Variants in CECR2 observed in about 807,000 individuals in gnomAD.
CECR2 encodes CECR2 histone acetyl-lysine reader.
Under a neutral mutation model 154.5 loss-of-function variants are expected in CECR2, and 30 were observed. The observed-to-expected ratio is 0.19, with a 90% confidence interval of 0.15 to 0.26. CECR2 has a LOEUF of 0.26. CECR2 is among the 10% of genes least tolerant of loss of function. CECR2 has a pLI of 1.00. For missense variants in CECR2, 1,743 were observed against 1,829.3 expected (o/e 0.95, Z 0.86); for synonymous variants, 725 against 683.7 (o/e 1.06, Z -0.94).
intron 1 of CECR2, among the ~76,000 whole-genome samples, chr22:17,448,848 C>T (rs1482488643): frequency 2.6e-5 from 4 of 151,930 alleles, no homozygotes; most frequent in Non-Finnish European, 5.9e-5. Flanking sequence ...CTTCTTTCTC[C>T]TTTTCAGATT....
chr22:17,478,491 G>A (rs1047307770), intron 2 of CECR2, among the ~76,000 whole-genome samples: 17 of 151,948 alleles, frequency 1.1e-4, no homozygotes, highest in African/African-American at 3.1e-4. Context: ...GAGTAGCTGG[G>A]ACTACAGGCA....
At chr22:17,541,565 C>T (rs562507890) in intron 14 of CECR2, among the ~76,000 whole-genome samples, 2 of 152,222 alleles carry the variant, frequency 1.3e-5, no homozygotes, top group East Asian at 1.9e-4. Context: ...TGGGGAGAAA[C>T]GGCTAAAATG....
intron 6 of CECR2, among the ~76,000 whole-genome samples, chr22:17,504,343 CCAGCCTGGA>C (rs2055795025): frequency 6.6e-6 from 1 of 151,922 alleles, no homozygotes; most frequent in Non-Finnish European, 1.5e-5. Context: ...CCACTGCACT[CCAGCCTGGA>C]CAATAGAGCC....
At chr22:17,454,094 G>A (rs148806031) in intron 1 of CECR2, among the ~76,000 whole-genome samples, 1,924 of 152,278 alleles carry the variant, frequency 0.013, 31 homozygotes, top group African/African-American at 0.044. Flanking sequence ...ACCAGTGCAT[G>A]TAAAGAGTTT....
intron 9 of CECR2, among the ~76,000 whole-genome samples, chr22:17,532,697 A>G (rs372144590): frequency 1.0e-4 from 3 of 29,366 alleles, no homozygotes; most frequent in Non-Finnish European, 2.1e-4. Flanking sequence ...ATTCATTATT[A>G]TTCTTTTTTT....
chr22:17,540,434 T>G lies in CECR2; in HGVS notation c.1518T>G (p.Asn506Lys). The G allele has an allele frequency of 6.4e-7, 1 of 1,558,362 alleles. No individual in the cohort carries two copies. Among genetic ancestry groups the G allele is most frequent in the Non-Finnish European group, 8.7e-7 (1 of 1,151,024 alleles). ...TAGAGTATACCAAGATGTCTGATAATTTAGAGAGGTGTTTCCATCGGGCAA... is the reference window on the plus strand; with the variant it reads ...TAGAGTATACCAAGATGTCTGATAAGTTAGAGAGGTGTTTCCATCGGGCAA... Reference protein sequence around the residue: ...ESSEYTKMSDNLERCFHRAMM... With the variant: ...ESSEYTKMSDKLERCFHRAMM... Residue 506 changes from asparagine (N) to lysine (K), a missense_variant, in exon 14 of 19, where the codon AAT (asparagine) becomes AAG (lysine). Physicochemically the swap from Asn to Lys is moderately conservative, Grantham distance 94. Transcript: ENST00000262608.
chr22:17,536,848 TG>T (rs1245672049), intron 9 of CECR2, among the ~76,000 whole-genome samples: 1 of 152,188 alleles, frequency 6.6e-6, no homozygotes, highest in Admixed American at 6.5e-5. Context: ...ACCCTGTGCC[TG>T]CCCTGCCACC....
intron 1 of CECR2, among the ~76,000 whole-genome samples, chr22:17,397,975 C>G (rs1453954196): frequency 1.3e-5 from 2 of 152,096 alleles, no homozygotes; most frequent in Non-Finnish European, 2.9e-5. Context: ...TTGGATTGTT[C>G]ATGCAACACT....
At chr22:17,390,502 T>C (rs1239163823) in intron 1 of CECR2, among the ~76,000 whole-genome samples, 1 of 152,228 alleles carries the variant, frequency 6.6e-6, no homozygotes, top group African/African-American at 2.4e-5. Context: ...CTGTTTCTTC[T>C]CCAAATTAAC....
At position 17,547,631 on chromosome 22, in the gene CECR2, A is replaced by G. The variant is rs137884715; in HGVS notation, c.2861-517A>G. Among the ~76,000 whole-genome samples, 599 of 152,344 alleles carry G rather than the reference A, an allele frequency of 3.9e-3. 5 individuals are homozygous for G. Among genetic ancestry groups the G allele is most frequent in the African/African-American group, 0.013 (549 of 41,580 alleles). ...CAACAAAGTGATTGAGTCTGTGTGC[A>G]TGAACTGAGAGGACAGTGAGACGGA... On this transcript the variant is annotated intron_variant, in intron 16 of 18. Coordinates refer to ENST00000262608, the MANE Select transcript of CECR2 (RefSeq NM_001290047.2).
rs901286827 is a variant in CECR2 at position 17,557,753 on chromosome 22, T to A, written c.*4913T>A. On this transcript the variant is annotated 3_prime_UTR_variant, in exon 19 of 19. Coordinates refer to ENST00000262608, the MANE Select transcript of CECR2 (RefSeq NM_001290047.2). ...TCAGGAAACCATGCAGCCCCTTCCC[T>A]TCCCTTCCCTTCCCTTCCTTTCCCT... 6.6e-6 allele frequency: 1 copy of A among 151,760 alleles called. No homozygotes were observed. Among genetic ancestry groups the A allele is most frequent in the African/African-American group, 2.4e-5 (1 of 41,410 alleles). The allele number at this position is 151,760 out of a possible 1,614,324, so 9.4% of individuals were successfully genotyped here.
At chr22:17,528,720 G>T (rs371351724) in intron 9 of CECR2, among the ~76,000 whole-genome samples, 2 of 152,256 alleles carry the variant, frequency 1.3e-5, no homozygotes, top group African/African-American at 4.8e-5. Flanking sequence ...ATTTTTAGTA[G>T]AGATGGGGTT....
chr22:17,537,981 G>C (rs551585657), intron 10 of CECR2, among the ~76,000 whole-genome samples: 286 of 149,544 alleles, frequency 1.9e-3, no homozygotes, highest in Non-Finnish European at 2.7e-3. Context: ...GTGACAGAGT[G>C]AGACTCCGTC....
rs34156323 is a variant in CECR2 at position 17,421,614 on chromosome 22, CAAAAAAAAAAAA to C, written c.126+51723_126+51734del. Among the ~76,000 whole-genome samples the C allele has an allele frequency of 2.6e-4, 6 of 23,374 alleles. No individual in the cohort carries two copies. The East Asian group carries it at 5.6e-3, about 22-fold the overall frequency. The allele number at this position is 23,374 out of a possible 152,430, so 15.3% of individuals were successfully genotyped here. A position where few individuals can be genotyped will look rare whatever the true frequency, so the allele number is the denominator to read the frequency against. On this transcript the variant is annotated intron_variant, in intron 1 of 18. Transcript: ENST00000262608. ...TGGGCGACAGAGCGAGACTCCGTCT[CAAAAAAAAAAAA>C]AAAAAAAAAAAAAAAAATTAGCCAG...
chr22:17,542,339 A>G lies in CECR2; in HGVS notation c.2196A>G (p.Gly732=), dbSNP rs762120089. ...SMYAPAQFQP[G]FIPPRHGGAP... ...ATGCTCCAGCTCAGTTCCAGCCAGG[A>G]TTCATTCCTCCCCGGCATGGGGGGG... Residue 732 remains glycine (G), a synonymous_variant, in exon 16 of 19, where the codon GGA becomes GGG. Coordinates refer to ENST00000262608, the MANE Select transcript of CECR2 (RefSeq NM_001290047.2). 4.3e-6 allele frequency: 7 copies of G among 1,613,674 alleles called. No homozygotes were observed. Among genetic ancestry groups the G allele is most frequent in the Non-Finnish European group, 5.9e-6 (7 of 1,179,764 alleles).
chr22:17,422,707 CT>C (rs952515241), intron 1 of CECR2, among the ~76,000 whole-genome samples: 13 of 147,970 alleles, frequency 8.8e-5, no homozygotes, highest in South Asian at 4.3e-4. Flanking sequence ...TTTTTTTGGT[CT>C]TTTTTTTTTC....
upstream of CECR2, among the ~76,000 whole-genome samples, chr22:17,367,508 C>T (rs921463133): frequency 6.6e-6 from 1 of 152,096 alleles, no homozygotes; most frequent in Non-Finnish European, 1.5e-5. Context: ...GCCTCAGTCT[C>T]CCGAGTAGCT....
At chr22:17,450,879 C>T (rs572458803) in intron 1 of CECR2, among the ~76,000 whole-genome samples, 2 of 152,332 alleles carry the variant, frequency 1.3e-5, no homozygotes, top group East Asian at 3.9e-4. Context: ...TGTATCTCAT[C>T]CCTGCTGCTA....
intron 1 of CECR2, among the ~76,000 whole-genome samples, chr22:17,462,130 C>T (rs1161590175): frequency 1.3e-5 from 2 of 151,756 alleles, no homozygotes; most frequent in African/African-American, 2.4e-5. Flanking sequence ...CTTGACCGGG[C>T]GCGGTGGCTC....
Sources: gnomAD v4.1 joint callset for allele counts (sites outside exome capture counted in the v4.1 genomes callset) on GRCh38, gnomAD v4.1.1 for gene constraint, MANE v1.5 for transcripts, NCBI Gene and HGNC (gene_info 2026-07-23, HGNC 2026-07-21) for gene names.